SMAD6: variants seen among roughly 807,000 people sequenced by gnomAD.
SMAD6 encodes MAD homolog 6.
SMAD6 carries 103 observed loss-of-function variants against 39.4 expected under a neutral mutation model. That is an observed-to-expected ratio of 2.62 (90% CI 2.23 to 3.08). The LOEUF is 3.08. SMAD6 is among the 30% of genes most tolerant of loss of function. SMAD6 has a pLI of 0.00. For missense variants in SMAD6, 1,104 were observed against 742.9 expected (o/e 1.49, Z -5.65); for synonymous variants, 445 against 353.3 (o/e 1.26, Z -2.91).
At chr15:66,713,532 C>A (rs1217188214) in intron 2 of SMAD6, among the ~76,000 whole-genome samples, 1 of 152,216 alleles carries the variant, frequency 6.6e-6, no homozygotes, top group Non-Finnish European at 1.5e-5. Flanking sequence ...ATTGGCCAGG[C>A]TGGTCTCGAT....
rs78233879 is a variant in SMAD6 at position 66,747,917 on chromosome 15, C to A, written c.952+31419C>A. On this transcript the variant is annotated intron_variant, in intron 3 of 3. Transcript: ENST00000288840. The surrounding 1 kb of genome is among the most constrained non-coding windows in gnomAD (Gnocchi z 4.5). ...TGGCCTAAAGTCTTCCCTGAGAGCC[C>A]TTTGCACCCCACTTCTCTTTCTCCG... is the stretch of plus-strand genomic sequence containing the variant. Among the ~76,000 whole-genome samples, 1,130 of 152,240 alleles carry A rather than the reference C, an allele frequency of 7.4e-3. 24 individuals carry two copies. The East Asian group carries it at 0.076, about 10-fold the overall frequency.
intron 3 of SMAD6, among the ~76,000 whole-genome samples, chr15:66,774,113 G>A (rs1015062846): frequency 9.2e-5 from 14 of 152,174 alleles, no homozygotes; most frequent in African/African-American, 2.9e-4. Context: ...TGGGCACAAC[G>A]CTGGTTCCTT....
chr15:66,773,210 G>T (rs572299276), intron 3 of SMAD6, among the ~76,000 whole-genome samples: 34 of 152,124 alleles, frequency 2.2e-4, no homozygotes, highest in African/African-American at 7.5e-4. Flanking sequence ...GAGCTGAGGT[G>T]GGGGGTGGGG....
intron 3 of SMAD6, among the ~76,000 whole-genome samples, chr15:66,730,424 A>G (rs1311692519): frequency 1.3e-5 from 2 of 152,188 alleles, no homozygotes; most frequent in South Asian, 2.1e-4. Context: ...TTTCATCTCT[A>G]TACTGCTCCC....
intron 3 of SMAD6, among the ~76,000 whole-genome samples, chr15:66,735,011 G>T (rs1009407168): frequency 1.3e-5 from 2 of 152,234 alleles, no homozygotes; most frequent in Non-Finnish European, 2.9e-5. Flanking sequence ...CCCAGCAGAA[G>T]GGTGTGCGGG....
intron 3 of SMAD6, among the ~76,000 whole-genome samples, chr15:66,760,748 G>A (rs1300824858): frequency 1.3e-5 from 2 of 152,166 alleles, no homozygotes; most frequent in Non-Finnish European, 2.9e-5. Flanking sequence ...CATCCGTGAC[G>A]GCTCCAGAGT....
intron 3 of SMAD6, among the ~76,000 whole-genome samples, chr15:66,750,633 G>GC (rs1383809627): frequency 1.3e-5 from 2 of 151,922 alleles, no homozygotes; most frequent in Admixed American, 6.6e-5. Context: ...TGAGGCGGGG[G>GC]GTTGACCAGG....
Position 66,703,264 on chromosome 15 carries a change from CA to C in SMAD6, c.7del (p.Arg3GlyfsTer61). Reference protein sequence around the residue: MFRSKRSGLVRRL... With the variant: MFXSKRSGLVRRL... The stretch of plus-strand genomic sequence containing the variant: ...CTGGCGCCAAAGGATATCGTATGTT[CA>C]GGTCCAAACGCTCGGGGCTGGTGCG... On this transcript the variant is annotated frameshift_variant, in exon 1 of 4. Coordinates refer to ENST00000288840, the MANE Select transcript of SMAD6 (RefSeq NM_005585.5). LOFTEE classifies it high-confidence loss of function. 6.8e-7 allele frequency: 1 copy of C among 1,470,606 alleles called. No homozygotes were observed. Among genetic ancestry groups the C allele is most frequent in the Non-Finnish European group, 9.0e-7 (1 of 1,109,594 alleles). 91.1% of individuals were successfully genotyped at this position (1,470,606 alleles called of 1,614,324 possible).
intron 1 of SMAD6, chr15:66,706,816 C>T (rs1190703135): frequency 6.6e-6 from 1 of 152,346 alleles, no homozygotes; most frequent in Non-Finnish European, 1.5e-5. Context: ...GTGTGGACCC[C>T]TGCTGTTCAG....
chr15:66,703,908 G>A lies in SMAD6; in HGVS notation c.650G>A (p.Gly217Asp). Residue 217 changes from glycine to aspartate, a missense_variant, in exon 1 of 4, where the codon GGC becomes GAC. Coordinates refer to ENST00000288840, the MANE Select transcript of SMAD6 (RefSeq NM_005585.5). ...CCGCGCGCCGACCTCCGCCTGGGCGGCCAGCCCGCGCCGCCGCAGCTGCTG... is the reference window on the plus strand; with the variant it reads ...CCGCGCGCCGACCTCCGCCTGGGCGACCAGCCCGCGCCGCCGCAGCTGCTG... ...LVPRADLRLG[G>D]QPAPPQLLLG... 1.6e-6 allele frequency: 2 copies of A among 1,289,124 alleles called. No individual in the cohort carries two copies. The highest frequency in any genetic ancestry group is 2.5e-5 in the South Asian group (1 of 39,548). 79.9% of individuals were successfully genotyped at this position (1,289,124 alleles called of 1,614,324 possible). A position where few individuals can be genotyped will look rare whatever the true frequency, so the allele number is the denominator to read the frequency against.
intron 3 of SMAD6, among the ~76,000 whole-genome samples, chr15:66,759,247 A>G (rs1037491178): frequency 6.6e-6 from 1 of 152,218 alleles, no homozygotes; most frequent in African/African-American, 2.4e-5. Flanking sequence ...TCAAAAATGG[A>G]CAGAAATAAG....
intron 2 of SMAD6, among the ~76,000 whole-genome samples, chr15:66,714,843 A>T (rs777059787): frequency 6.6e-6 from 1 of 151,910 alleles, no homozygotes; most frequent in Admixed American, 6.6e-5. Flanking sequence ...TGTCGTTTCC[A>T]CTCTTCTGGA....
At position 66,777,690 on chromosome 15, in the gene SMAD6, G is replaced by A. The variant is rs201988677; in HGVS notation, c.953-3307G>A. Reference sequence around the variant, plus strand: ...GCGCAGACACCTGTTAAGGCCAAGGGAGGGGCTGCAGTTCAGGTGCCCCAG... The same window carrying A: ...GCGCAGACACCTGTTAAGGCCAAGGAAGGGGCTGCAGTTCAGGTGCCCCAG... On this transcript the variant is annotated intron_variant, in intron 3 of 3. Transcript: ENST00000288840. Among the ~76,000 whole-genome samples the A allele has an allele frequency of 7.2e-5, 11 of 152,142 alleles. No individual in the cohort carries two copies. The East Asian group carries it at 9.6e-4, about 13-fold the overall frequency.
chr15:66,770,169 T>C (rs1595798255), intron 3 of SMAD6, among the ~76,000 whole-genome samples: 4 of 152,064 alleles, frequency 2.6e-5, no homozygotes, highest in Admixed American at 2.0e-4. Context: ...TGCTACAAAC[T>C]AGCATCCCTG....
chr15:66,727,629 T>C (rs1370753895), intron 3 of SMAD6, among the ~76,000 whole-genome samples: 7 of 152,138 alleles, frequency 4.6e-5, no homozygotes, highest in Non-Finnish European at 1.0e-4. Flanking sequence ...GAGAGGGCCT[T>C]GAATGCCACT....
At chr15:66,727,729 G>A (rs899710605) in intron 3 of SMAD6, among the ~76,000 whole-genome samples, 3 of 152,192 alleles carry the variant, frequency 2.0e-5, no homozygotes, top group African/African-American at 4.8e-5. Context: ...TGGGCTTAGC[G>A]AATGGATTTA....
rs191933681 is a variant in SMAD6, at chr15:66,746,347, G to A, written c.952+29849G>A. On this transcript the variant is annotated intron_variant, in intron 3 of 3. Coordinates refer to ENST00000288840, the MANE Select transcript of SMAD6 (RefSeq NM_005585.5). ...CCTCCTCCCTCCTGTGGGGCATGTG[G>A]GACGTGTGGGCTGGGACGTGTGGTT... 9.2e-5 allele frequency among the ~76,000 whole-genome samples: 14 copies of A among 152,290 alleles called. No individual in the cohort carries two copies. The East Asian group carries it at 2.7e-3, about 29-fold the overall frequency.
intron 3 of SMAD6, among the ~76,000 whole-genome samples, chr15:66,745,332 C>T (rs1193144030): frequency 2.0e-5 from 3 of 152,056 alleles, no homozygotes; most frequent in African/African-American, 7.2e-5. Flanking sequence ...TCTTTCACAG[C>T]ACCCCCACCC....
chr15:66,781,500 T>C lies in SMAD6; in HGVS notation c.1456T>C (p.Cys486Arg). ...CCGGCAGTTCATCACCTCCTGCCCCTGCTGGCTGGAGATCCTCCTCAACAA... is the reference window on the plus strand; with the variant it reads ...CCGGCAGTTCATCACCTCCTGCCCCCGCTGGCTGGAGATCCTCCTCAACAA... ...YSRQFITSCP[C>R]WLEILLNNPR Residue 486 changes from cysteine (C) to arginine (R), a missense_variant, in exon 4 of 4, where the codon TGC (cysteine) becomes CGC (arginine). Coordinates refer to ENST00000288840, the MANE Select transcript of SMAD6 (RefSeq NM_005585.5). 6.4e-7 allele frequency: 1 copy of C among 1,566,472 alleles called. No homozygotes were observed. The highest frequency in any genetic ancestry group is 8.6e-7 in the Non-Finnish European group (1 of 1,159,806).
Sources: allele counts gnomAD v4.1 joint callset (sites outside exome capture counted in the v4.1 genomes callset), GRCh38; gene constraint gnomAD v4.1.1; non-coding constraint Gnocchi (gnomAD v3.1); transcripts MANE v1.5; gene names NCBI Gene and HGNC (gene_info 2026-07-23, HGNC 2026-07-21).